The following MCTP1 variants were observed in gnomAD, a reference collection of about 807,000 sequenced individuals.
MCTP1 encodes multiple C2 and transmembrane domain containing 1, also known as multiple C2 and transmembrane domain-containing protein 1.
A neutral mutation model predicts 120.6 loss-of-function variants in MCTP1; 69 were observed. The ratio of observed to expected loss-of-function variants is 0.57; its 90% CI spans 0.47 to 0.70. The LOEUF (loss-of-function observed/expected upper bound fraction) is 0.70, where lower values mean the gene tolerates loss of function less well. Ranked by LOEUF, MCTP1 falls within the 30% of genes least tolerant of loss-of-function variation. The pLI is 0.00. For missense variants in MCTP1, 1,203 were observed against 1,248.8 expected (o/e 0.96, Z 0.55); for synonymous variants, 529 against 493.1 (o/e 1.07, Z -0.96).
chr5:94,775,977 A>G (rs1243153063), intron 19 of MCTP1, among the ~76,000 whole-genome samples: 2 of 147,680 alleles, frequency 1.4e-5, no homozygotes, highest in African/African-American at 2.5e-5. Context: ...ATATATATAT[A>G]TATATTTAAA....
intron 2 of MCTP1, among the ~76,000 whole-genome samples, chr5:94,989,719 C>T (rs1296381687): frequency 6.6e-6 from 1 of 152,150 alleles, no homozygotes; most frequent in Admixed American, 6.5e-5. Context: ...AGGGTTAGAA[C>T]TTTCAACCCC....
chr5:95,037,711 C>T (rs931329492), intron 1 of MCTP1, among the ~76,000 whole-genome samples: 3 of 152,022 alleles, frequency 2.0e-5, no homozygotes, highest in African/African-American at 7.2e-5. Context: ...ACTAACAATA[C>T]AGAAAATTAG....
chr5:94,770,230 C>T (rs1342087276), intron 19 of MCTP1, among the ~76,000 whole-genome samples: 6 of 152,144 alleles, frequency 3.9e-5, no homozygotes, highest in Admixed American at 2.0e-4. Flanking sequence ...GCCGTGTCAA[C>T]GACTCTGCCA....
At chr5:94,930,044 G>C (rs540722087) in intron 6 of MCTP1, among the ~76,000 whole-genome samples, 2 of 152,140 alleles carry the variant, frequency 1.3e-5, no homozygotes, top group South Asian at 4.1e-4. Context: ...TGTATCTTCA[G>C]TTGGAAGCTT....
In MCTP1 at chr5:95,237,213, G is replaced by T. The variant is rs73776332; in HGVS notation, c.720+46643C>A. The stretch of plus-strand genomic sequence containing the variant: ...CCATGGCATAGACAGTCTGGAGGAT[G>T]TAGTGTGTGCTACTACTCAGCCCCT... On this transcript the variant is annotated intron_variant, in intron 1 of 22. Coordinates refer to ENST00000515393, the MANE Select transcript of MCTP1 (RefSeq NM_024717.7). Among the ~76,000 whole-genome samples, 532 of 152,270 alleles carry T rather than the reference G, an allele frequency of 3.5e-3. 5 individuals are homozygous for T. Among genetic ancestry groups the T allele is most frequent in the African/African-American group, 0.011 (477 of 41,562 alleles).
At chr5:94,759,113 A>G (rs1308535775) in intron 19 of MCTP1, among the ~76,000 whole-genome samples, 1 of 152,228 alleles carries the variant, frequency 6.6e-6, no homozygotes, top group African/African-American at 2.4e-5. Context: ...CCACAAAGAC[A>G]TAAAAATGCA....
At chr5:95,229,289 T>C (rs1002931358) in intron 1 of MCTP1, among the ~76,000 whole-genome samples, 5 of 152,176 alleles carry the variant, frequency 3.3e-5, no homozygotes, top group African/African-American at 9.7e-5. Context: ...CTTGACAGAA[T>C]TTCAGGCTAA....
chr5:95,205,448 G>C (rs1276816877), intron 1 of MCTP1, among the ~76,000 whole-genome samples: 4 of 152,056 alleles, frequency 2.6e-5, no homozygotes, highest in Non-Finnish European at 5.9e-5. Context: ...AATGGTGTCT[G>C]ACACAAAAAG....
At chr5:95,025,266 C>A (rs1839036881) in intron 1 of MCTP1, among the ~76,000 whole-genome samples, 1 of 152,092 alleles carries the variant, frequency 6.6e-6, no homozygotes, top group African/African-American at 2.4e-5. Flanking sequence ...TAAACTGATA[C>A]ATTTATGATC....
intron 19 of MCTP1, among the ~76,000 whole-genome samples, chr5:94,740,901 G>T (rs1483788902): frequency 6.6e-6 from 1 of 152,216 alleles, no homozygotes; most frequent in Non-Finnish European, 1.5e-5. Context: ...AATCAAAGAA[G>T]ACTTCCTGGA....
chr5:94,971,708 G>A (rs1440812688), intron 2 of MCTP1, among the ~76,000 whole-genome samples: 1 of 152,150 alleles, frequency 6.6e-6, no homozygotes, highest in African/African-American at 2.4e-5. Context: ...AAAGTGATGT[G>A]AGGTCGAAGG....
chr5:95,141,661 T>G (rs1759940894), intron 1 of MCTP1, among the ~76,000 whole-genome samples: 1 of 152,102 alleles, frequency 6.6e-6, no homozygotes, highest in African/African-American at 2.4e-5. Context: ...CTTGATTTCA[T>G]TTCTCTTTCT....
intron 1 of MCTP1, among the ~76,000 whole-genome samples, chr5:95,211,823 T>C (rs1752414393): frequency 6.6e-6 from 1 of 152,182 alleles, no homozygotes; most frequent in African/African-American, 2.4e-5. Flanking sequence ...CTTTTGGTCT[T>C]TGATGATGGT....
intron 1 of MCTP1, among the ~76,000 whole-genome samples, chr5:95,069,024 TAATTAAAACAGATGTTCTC>T (rs1279513853): frequency 2.0e-4 from 30 of 151,688 alleles, no homozygotes; most frequent in African/African-American, 7.0e-4. Context: ...GCTACATACG[TAATTAAAACAGATGTTCTC>T]AATCTTAATT....
intron 8 of MCTP1, among the ~76,000 whole-genome samples, 176 bp from the exon 9 acceptor site, chr5:94,913,152 A>C (rs552235511): frequency 1.3e-5 from 2 of 152,122 alleles, no homozygotes; most frequent in East Asian, 3.9e-4. Context: ...TAAATTATGA[A>C]ATTATCATTT....
At chr5:95,202,711 A>C (rs1306092726) in intron 1 of MCTP1, among the ~76,000 whole-genome samples, 1 of 152,066 alleles carries the variant, frequency 6.6e-6, no homozygotes, top group Non-Finnish European at 1.5e-5. Context: ...AAAATCAAGA[A>C]TCAATCTTTC....
At chr5:94,954,735 C>G (rs1409099115) in intron 2 of MCTP1, among the ~76,000 whole-genome samples, 1 of 152,146 alleles carries the variant, frequency 6.6e-6, no homozygotes, top group Non-Finnish European at 1.5e-5. Context: ...TTATACTAGT[C>G]TAATGGGCTT....
At chr5:94,926,680 C>T (rs569889085) in intron 6 of MCTP1, among the ~76,000 whole-genome samples, 4 of 152,172 alleles carry the variant, frequency 2.6e-5, no homozygotes, top group African/African-American at 9.7e-5. Context: ...ATTCATTCAC[C>T]CTTCCATCTA....
chr5:94,726,088 G>C (rs535157377), intron 19 of MCTP1, among the ~76,000 whole-genome samples: 2 of 152,216 alleles, frequency 1.3e-5, no homozygotes, highest in Non-Finnish European at 2.9e-5. Context: ...TCACACGAGG[G>C]TGATGGATAT....
Sources: allele counts gnomAD v4.1 joint callset (sites outside exome capture counted in the v4.1 genomes callset), GRCh38; gene constraint gnomAD v4.1.1; transcripts MANE v1.5; gene names NCBI Gene and HGNC (gene_info 2026-07-23, HGNC 2026-07-21).